The following MEF2A variants were observed in gnomAD, a reference collection of about 807,000 sequenced individuals.
MEF2A encodes myocyte enhancer factor 2A.
Under a neutral mutation model 55.8 loss-of-function variants are expected in MEF2A, and 28 were observed. The observed-to-expected ratio is 0.50, with a 90% CI of 0.37 to 0.69. The LOEUF (loss-of-function observed/expected upper bound fraction) is 0.69, where lower values mean the gene tolerates loss of function less well. Among genes scored for constraint, MEF2A ranks in the 30% least tolerant of loss-of-function variants. The pLI is 0.00. For synonymous variants in MEF2A, 239 were observed against 227.1 expected (o/e 1.05, Z -0.47); for missense variants, 528 against 626.2 (o/e 0.84, Z 1.67).
chr15:99,691,411 T>TACC (rs1156894510), intron 8 of MEF2A, among the ~76,000 whole-genome samples: 1 of 152,134 alleles, frequency 6.6e-6, no homozygotes, highest in Non-Finnish European at 1.5e-5. Context: ...AAATTCTACA[T>TACC]ACCAGGCAGG....
chr15:99,639,644 A>G (rs1322139516), intron 3 of MEF2A, among the ~76,000 whole-genome samples: 1 of 152,144 alleles, frequency 6.6e-6, no homozygotes, highest in South Asian at 2.1e-4. Flanking sequence ...CATGTTTTCA[A>G]GTTGCTTTCC....
chr15:99,678,678 T>C (rs1272842348), intron 7 of MEF2A: 7 of 984,720 alleles, frequency 7.1e-6, no homozygotes, highest in Non-Finnish European at 8.4e-6. Context: ...AGAGGCATCC[T>C]TGAGACTTTT....
At chr15:99,633,549 CTAAGT>C (rs2043267671) in intron 3 of MEF2A, among the ~76,000 whole-genome samples, 1 of 151,938 alleles carries the variant, frequency 6.6e-6, no homozygotes, top group South Asian at 2.1e-4. Context: ...TTATAATTAG[CTAAGT>C]TAACTATAAT....
chr15:99,633,247 G>C (rs1414450368), intron 3 of MEF2A, 74 bp downstream of exon 3: 101 of 1,061,284 alleles, frequency 9.5e-5, no homozygotes, highest in Non-Finnish European at 1.3e-4. Context: ...AGAATGGTTG[G>C]GTTTTTCTTA....
chr15:99,687,333 G>C (rs543101110), intron 7 of MEF2A, among the ~76,000 whole-genome samples: 2 of 152,100 alleles, frequency 1.3e-5, no homozygotes, highest in African/African-American at 4.8e-5. Flanking sequence ...GTTTTTGTTA[G>C]TCCTTGCACG....
At chr15:99,621,655 G>A (rs2041195585) in intron 2 of MEF2A, among the ~76,000 whole-genome samples, 1 of 152,070 alleles carries the variant, frequency 6.6e-6, no homozygotes, top group African/African-American at 2.4e-5. Flanking sequence ...TGAGTCTTAT[G>A]TCTAGTTTCC....
intron 2 of MEF2A, among the ~76,000 whole-genome samples, chr15:99,613,237 G>A (rs548263760): frequency 1.3e-5 from 2 of 152,308 alleles, no homozygotes; most frequent in South Asian, 4.1e-4. Flanking sequence ...TGGTTTTATT[G>A]TGGGGCTAGG....
chr15:99,580,736 T>A (rs1965688244), intron 1 of MEF2A, among the ~76,000 whole-genome samples: 1 of 152,248 alleles, frequency 6.6e-6, no homozygotes, highest in Non-Finnish European at 1.5e-5. Context: ...TGGTACTTTT[T>A]ATTCCAATGT....
At chr15:99,677,541 A>G (rs543642120) in intron 7 of MEF2A, among the ~76,000 whole-genome samples, 3 of 152,274 alleles carry the variant, frequency 2.0e-5, no homozygotes, top group Non-Finnish European at 2.9e-5. Flanking sequence ...TGGAGACACA[A>G]AGGGATGGAA....
At chr15:99,592,254 T>G (rs1329217448) in intron 1 of MEF2A, among the ~76,000 whole-genome samples, 1 of 152,136 alleles carries the variant, frequency 6.6e-6, no homozygotes, top group Non-Finnish European at 1.5e-5. Flanking sequence ...GGGTGGAACT[T>G]GAACATTCTG....
intron 1 of MEF2A, among the ~76,000 whole-genome samples, chr15:99,577,045 G>C (rs147695295): frequency 1.3e-5 from 2 of 152,170 alleles, no homozygotes; most frequent in Non-Finnish European, 2.9e-5. Flanking sequence ...TGGCGTTGCT[G>C]TTATACTGTT....
At chr15:99,578,960 T>A (rs1188882720) in intron 1 of MEF2A, among the ~76,000 whole-genome samples, 1 of 152,236 alleles carries the variant, frequency 6.6e-6, no homozygotes, top group Non-Finnish European at 1.5e-5. Flanking sequence ...TCCTAAGGTG[T>A]GTGGCTTTTG....
At position 99,714,346 on chromosome 15, in the gene MEF2A, A is replaced by C. The variant is rs1355034077; in HGVS notation, c.*1575A>C. 6.6e-6 allele frequency: 1 copy of C among 152,228 alleles called. No homozygotes were observed. The highest frequency in any genetic ancestry group is 1.5e-5 in the Non-Finnish European group (1 of 68,034). 9.4% of individuals were successfully genotyped at this position (152,228 alleles called of 1,614,324 possible). A position where few individuals can be genotyped will look rare whatever the true frequency, so the allele number is the denominator to read the frequency against. On this transcript the variant is annotated 3_prime_UTR_variant, in exon 12 of 12. Transcript: ENST00000557942. ...AATGGCAAAATAGTAGATGAGCACA[A>C]AGGTTTTATAAGTGGTAAATGATTA...
chr15:99,584,681 G>C (rs765830497), intron 1 of MEF2A, among the ~76,000 whole-genome samples: 12 of 152,160 alleles, frequency 7.9e-5, no homozygotes, highest in Admixed American at 5.2e-4. Context: ...TGAGCCATAG[G>C]GGGCTGGGGT....
intron 3 of MEF2A, among the ~76,000 whole-genome samples, chr15:99,644,536 C>T (rs538607908): frequency 2.5e-4 from 38 of 152,282 alleles, no homozygotes; most frequent in Non-Finnish European, 4.1e-4. Flanking sequence ...TTAATAGCTA[C>T]TGCAATAACT....
intron 1 of MEF2A, among the ~76,000 whole-genome samples, chr15:99,566,905 A>C (rs1001677753): frequency 2.6e-5 from 4 of 152,214 alleles, no homozygotes; most frequent in South Asian, 4.1e-4. Context: ...AACCCCTGCC[A>C]TCCGGCTAGA....
At chr15:99,623,440 T>C (rs2041565144) in intron 2 of MEF2A, among the ~76,000 whole-genome samples, 1 of 152,242 alleles carries the variant, frequency 6.6e-6, no homozygotes, top group South Asian at 2.1e-4. Context: ...TTGGATCAGA[T>C]GGCAATTCTA....
At chr15:99,574,645 T>A (rs949301657) in intron 1 of MEF2A, among the ~76,000 whole-genome samples, 1 of 152,138 alleles carries the variant, frequency 6.6e-6, no homozygotes, top group African/African-American at 2.4e-5. Context: ...AGTGTTGCCG[T>A]TGATCTGACA....
intron 2 of MEF2A, among the ~76,000 whole-genome samples, chr15:99,606,963 A>G (rs1310038429): frequency 6.6e-6 from 1 of 152,206 alleles, no homozygotes; most frequent in Non-Finnish European, 1.5e-5. Flanking sequence ...ATACATTCAT[A>G]CAGTGGAGTA....
Sources: gnomAD v4.1 joint callset for allele counts (sites outside exome capture counted in the v4.1 genomes callset) on GRCh38, gnomAD v4.1.1 for gene constraint, MANE v1.5 for transcripts, NCBI Gene and HGNC (gene_info 2026-07-23, HGNC 2026-07-21) for gene names.